BEND5: variants seen among roughly 807,000 people sequenced by gnomAD.
BEND5 encodes the protein BEN domain-containing protein 5.
Under a neutral mutation model 43.9 loss-of-function variants are expected in BEND5, and 22 were observed. That is an observed-to-expected ratio of 0.50 (90% confidence interval 0.36 to 0.72). The LOEUF (loss-of-function observed/expected upper bound fraction) is 0.72, where lower values mean the gene tolerates loss of function less well. Ranked by LOEUF, BEND5 falls within the 30% of genes least tolerant of loss-of-function variation. BEND5 has a pLI of 0.00. For synonymous variants in BEND5, 228 were observed against 225.9 expected (o/e 1.01, Z -0.08); for missense variants, 428 against 550.6 (o/e 0.78, Z 2.23).
At chr1:48,741,894 T>C (rs1426006582) in intron 4 of BEND5, among the ~76,000 whole-genome samples, 1 of 152,230 alleles carries the variant, frequency 6.6e-6, no homozygotes, top group African/African-American at 2.4e-5. Flanking sequence ...TCTTCAAAGA[T>C]CAATTCAATT....
chr1:48,748,045 T>C (rs1651039721), intron 3 of BEND5, among the ~76,000 whole-genome samples: 2 of 152,144 alleles, frequency 1.3e-5, no homozygotes, highest in African/African-American at 2.4e-5. Flanking sequence ...AAGTCAAAAT[T>C]CCTAAATGCG....
Position 48,759,244 on chromosome 1 carries a change from C to T in BEND5, c.401G>A (p.Ser134Asn). The T allele has an allele frequency of 2.5e-6, 4 of 1,585,882 alleles. No individual in the cohort carries two copies. The highest frequency in any genetic ancestry group is 3.4e-6 in the Non-Finnish European group (4 of 1,165,558). The change falls in exon 3 of 6, where the codon AGC becomes AAC. Residue 134 changes from serine (S) to asparagine (N), a missense_variant. Ser to Asn is a conservative substitution (Grantham distance 46). This residue lies in a region of BEND5 where 243 missense variants were observed against 286.4 expected (regional missense o/e 0.85). Transcript: ENST00000371833. ...TAGCCGAGCCACCACTGCCTCGATG[C>T]TCTTGTGCGCCACTTCGCTCGGCTT... The part of the protein sequence containing the change: ...GRKPSEVAHK[S>N]IEAVVARLEK...
intron 3 of BEND5, among the ~76,000 whole-genome samples, chr1:48,753,008 A>G (rs1651995760): frequency 6.6e-6 from 1 of 152,190 alleles, no homozygotes; most frequent in Admixed American, 6.5e-5. Context: ...TCGGCCTCCC[A>G]AAGTGCTGGG....
intron 3 of BEND5, among the ~76,000 whole-genome samples, chr1:48,743,875 G>T (rs1178554801): frequency 2.0e-5 from 3 of 152,214 alleles, no homozygotes; most frequent in Non-Finnish European, 4.4e-5. Context: ...TCATGATACA[G>T]CTTCCCAGGA....
chr1:48,743,856 TA>T (rs1363781643), intron 3 of BEND5, among the ~76,000 whole-genome samples: 3 of 152,242 alleles, frequency 2.0e-5, no homozygotes, highest in Non-Finnish European at 2.9e-5. Context: ...AATTTGTTAC[TA>T]AAATTCTTCA....
chr1:48,774,415 A>C (rs1644978434), intron 1 of BEND5, among the ~76,000 whole-genome samples: 1 of 152,174 alleles, frequency 6.6e-6, no homozygotes, highest in African/African-American at 2.4e-5. Context: ...TATGCAGGGC[A>C]GTGGGTACCC....
chr1:48,735,179 C>T (rs1475529176), intron 5 of BEND5, among the ~76,000 whole-genome samples: 1 of 152,186 alleles, frequency 6.6e-6, no homozygotes, highest in African/African-American at 2.4e-5. Flanking sequence ...CAGTTAAGTG[C>T]CTAAAATAAT....
chr1:48,772,489 T>C (rs990930914), intron 1 of BEND5, among the ~76,000 whole-genome samples: 3 of 151,668 alleles, frequency 2.0e-5, no homozygotes, highest in Non-Finnish European at 4.4e-5. Flanking sequence ...TGCGAGAGAG[T>C]GTGTTCACAG....
chr1:48,765,035 T>C (rs1644462661), intron 1 of BEND5, among the ~76,000 whole-genome samples: 1 of 152,222 alleles, frequency 6.6e-6, no homozygotes, highest in Non-Finnish European at 1.5e-5. Context: ...TAGAATGCCC[T>C]TCTTTCTTAT....
At chr1:48,751,667 A>G (rs184673591) in intron 3 of BEND5, among the ~76,000 whole-genome samples, 6 of 152,222 alleles carry the variant, frequency 3.9e-5, no homozygotes, top group Admixed American at 1.3e-4. Context: ...TAAGCTTGTC[A>G]CATGGCAATA....
intron 1 of BEND5, 79 bp from the exon 2 acceptor site, chr1:48,761,549 A>G (rs1289111372): frequency 7.2e-7 from 1 of 1,393,808 alleles, no homozygotes; most frequent in Non-Finnish European, 9.6e-7. Context: ...CAAAACCTCA[A>G]ATGCTAGAAA....
At chr1:48,747,479 C>T (rs887202721) in intron 3 of BEND5, among the ~76,000 whole-genome samples, 3 of 152,194 alleles carry the variant, frequency 2.0e-5, no homozygotes, top group Non-Finnish European at 4.4e-5. Context: ...ACTGGGGACC[C>T]AGAGACAAAG....
Position 48,759,077 on chromosome 1 carries a change from A to G in BEND5, c.568T>C (p.Tyr190His). 1 of 1,612,878 alleles carries G rather than the reference A, an allele frequency of 6.2e-7. No homozygotes were observed. The highest frequency in any genetic ancestry group is 8.5e-7 in the Non-Finnish European group (1 of 1,179,476). ...RALYEELLRNYQQQQEEMRHL... is the reference protein window; with the variant it reads ...RALYEELLRNHQQQQEEMRHL... Reference sequence around the variant, plus strand: ...CGCATCTCTTCCTGTTGCTGCTGGTAGTTGCGCAGCAGCTCCTCATACAGA... The same window carrying G: ...CGCATCTCTTCCTGTTGCTGCTGGTGGTTGCGCAGCAGCTCCTCATACAGA... The change falls in exon 3 of 6, where the codon TAC becomes CAC. Residue 190 changes from tyrosine (Y) to histidine (H), a missense_variant. By Grantham distance (83) the Tyr-to-His change is moderately conservative. Transcript: ENST00000371833.
chr1:48,744,969 G>A (rs113580317), intron 3 of BEND5, among the ~76,000 whole-genome samples: 11 of 148,298 alleles, frequency 7.4e-5, no homozygotes, highest in African/African-American at 2.7e-4. Context: ...TCTCCTTTGT[G>A]AGGCTTGATT....
intron 3 of BEND5, among the ~76,000 whole-genome samples, chr1:48,750,609 G>A (rs773851016): frequency 2.6e-5 from 4 of 152,178 alleles, no homozygotes; most frequent in Non-Finnish European, 4.4e-5. Context: ...GGCAAGGGGG[G>A]CTTAACAATT....
chr1:48,768,397 T>TA (rs1030016703), intron 1 of BEND5, among the ~76,000 whole-genome samples: 17 of 151,966 alleles, frequency 1.1e-4, no homozygotes, highest in Middle Eastern at 3.4e-3. Context: ...AGCTTTCTTG[T>TA]AAAAAAAATG....
At chr1:48,730,800 G>A (rs1005611876) in intron 5 of BEND5, among the ~76,000 whole-genome samples, 5 of 152,176 alleles carry the variant, frequency 3.3e-5, no homozygotes, top group African/African-American at 9.7e-5. Flanking sequence ...CAGTGCTAAT[G>A]TGTCCTATTA....
At chr1:48,770,679 G>A (rs928647179) in intron 1 of BEND5, among the ~76,000 whole-genome samples, 137 of 151,978 alleles carry the variant, frequency 9.0e-4, no homozygotes, top group African/African-American at 3.0e-3. Flanking sequence ...CTTAAGATTC[G>A]ACAGGTCTCA....
intron 3 of BEND5, among the ~76,000 whole-genome samples, chr1:48,751,671 G>A (rs895290289): frequency 1.3e-5 from 2 of 152,150 alleles, no homozygotes; most frequent in Admixed American, 1.3e-4. Flanking sequence ...CTTGTCACAT[G>A]GCAATATGGA....
Sources: allele counts gnomAD v4.1 joint callset (sites outside exome capture counted in the v4.1 genomes callset), GRCh38; gene constraint gnomAD v4.1.1; regional missense constraint gnomAD v4.1.1; transcripts MANE v1.5; gene names NCBI Gene and HGNC (gene_info 2026-07-23, HGNC 2026-07-21).